ATP5MG: variants seen among roughly 807,000 people sequenced by gnomAD.
The protein encoded by ATP5MG is ATP synthase membrane subunit g, also known as ATP synthase F(0) complex subunit g, mitochondrial.
In ATP5MG, 7 loss-of-function variants were observed where a neutral mutation model predicts 12.7. That is an observed-to-expected ratio of 0.55 (90% confidence interval 0.31 to 1.04). The LOEUF (loss-of-function observed/expected upper bound fraction) is 1.04, where lower values mean the gene tolerates loss of function less well. ATP5MG is among the 50% of genes least tolerant of loss of function. The probability of loss-of-function intolerance (pLI) is 0.05; values close to 1 mark genes in which losing one functional copy is unlikely to be tolerated. For missense variants in ATP5MG, 116 were observed against 126.7 expected (o/e 0.92, Z 0.41); for synonymous variants, 53 against 48.2 (o/e 1.10, Z -0.41).
In ATP5MG at chr11:118,408,982, G is replaced by A. The variant is rs782152594; in HGVS notation, c.214-18G>A. On this transcript the variant is annotated intron_variant, in intron 2 of 2. Coordinates refer to ENST00000300688, the MANE Select transcript of ATP5MG (RefSeq NM_006476.5). Reference sequence around the variant, plus strand: ...ATATATATAAAAGGTACCTTAAAATGTATGCTTCTTTTTTCAGGAAGCTGT... The same window carrying A: ...ATATATATAAAAGGTACCTTAAAATATATGCTTCTTTTTTCAGGAAGCTGT... The A allele has an allele frequency of 2.2e-5, 31 of 1,431,192 alleles. No homozygotes were observed. Among genetic ancestry groups the A allele is most frequent in the Admixed American group, 1.5e-4 (8 of 53,690 alleles). 88.7% of individuals were successfully genotyped at this position (1,431,192 alleles called of 1,614,324 possible). A position where few individuals can be genotyped will look rare whatever the true frequency, so the allele number is the denominator to read the frequency against.
chr11:118,405,031 AG>A (rs1948961170), intron 1 of ATP5MG, among the ~76,000 whole-genome samples: 1 of 152,162 alleles, frequency 6.6e-6, no homozygotes, highest in Non-Finnish European at 1.5e-5. Flanking sequence ...TGATACTACA[AG>A]ATGCTTCAGA....
At chr11:118,402,097 A>G (rs576798199) in intron 1 of ATP5MG, among the ~76,000 whole-genome samples, 4 of 152,208 alleles carry the variant, frequency 2.6e-5, no homozygotes, top group Non-Finnish European at 5.9e-5. Flanking sequence ...ACGTGAAAGT[A>G]AATCAATTCG....
intron 1 of ATP5MG, among the ~76,000 whole-genome samples, chr11:118,404,727 GTTCTA>G (rs1948957852): frequency 6.6e-6 from 1 of 152,140 alleles, no homozygotes; most frequent in African/African-American, 2.4e-5. Flanking sequence ...TTCTCTCCGT[GTTCTA>G]TTCTATAGAA....
Position 118,409,193 on chromosome 11 carries a change from G to T in ATP5MG, c.*95G>T. 1 of 791,576 alleles carries T rather than the reference G, an allele frequency of 1.3e-6. No homozygotes were observed. The highest frequency in any genetic ancestry group is 2.9e-4 in the Middle Eastern group (1 of 3,474). 49.0% of individuals were successfully genotyped at this position (791,576 alleles called of 1,614,324 possible). A position where few individuals can be genotyped will look rare whatever the true frequency, so the allele number is the denominator to read the frequency against. ...CTGCTATCTGAATAAAATAAGATTT[G>T]TCAAAACTCAGTGTTTTCTCCATCA... On this transcript the variant is annotated 3_prime_UTR_variant, in exon 3 of 3. Coordinates refer to ENST00000300688, the MANE Select transcript of ATP5MG (RefSeq NM_006476.5).
intron 1 of ATP5MG, among the ~76,000 whole-genome samples, chr11:118,404,690 G>A (rs1555131804): frequency 6.6e-6 from 1 of 152,176 alleles, no homozygotes; most frequent in African/African-American, 2.4e-5. Context: ...CTTGGTTATA[G>A]GTTCCTCTAC....
At chr11:118,407,175 A>C in intron 2 of ATP5MG, 78 bp downstream of exon 2, 5 of 1,571,684 alleles carry the variant, frequency 3.2e-6, no homozygotes, top group Non-Finnish European at 4.3e-6. Flanking sequence ...TGTTTTGATT[A>C]ATATATATGT....
In ATP5MG at chr11:118,408,842, A is replaced by G. The variant is rs200455350; in HGVS notation, c.214-158A>G. ...CAGTTGAAGAGAAGTAATGTTAGTA[A>G]TTCTCAACTTTGACTAAAACTGCCT... On this transcript the variant is annotated intron_variant, in intron 2 of 2. Transcript: ENST00000300688. Among the ~76,000 whole-genome samples the G allele has an allele frequency of 3.9e-5, 6 of 151,918 alleles. No homozygotes were observed. The East Asian group carries it at 1.2e-3, about 29-fold the overall frequency.
At chr11:118,406,745 G>A in intron 1 of ATP5MG, 192 bp from the exon 2 acceptor site, 1 of 734,794 alleles carries the variant, frequency 1.4e-6, no homozygotes, top group South Asian at 1.9e-5. Flanking sequence ...TGTGGCACAG[G>A]TGTTCTGCAT....
chr11:118,407,352 A>AT, intron 2 of ATP5MG: 4 of 463,296 alleles, frequency 8.6e-6, no homozygotes, highest in Non-Finnish European at 1.5e-5. Flanking sequence ...TTATTGGGAA[A>AT]TTTTTTTTCC....
rs1948997261 is a variant in ATP5MG at position 118,409,180 on chromosome 11, TA to T, written c.*86del. ...ATGTGTGATCAGACTGCTATCTGAA[TA>T]AAATAAGATTTGTCAAAACTCAGTG... On this transcript the variant is annotated 3_prime_UTR_variant, in exon 3 of 3. Coordinates refer to ENST00000300688, the MANE Select transcript of ATP5MG (RefSeq NM_006476.5). The T allele has an allele frequency of 1.1e-6, 1 of 896,910 alleles. No individual in the cohort carries two copies. The highest frequency in any genetic ancestry group is 2.0e-5 in the South Asian group (1 of 50,300). 55.6% of individuals were successfully genotyped at this position (896,910 alleles called of 1,614,324 possible).
At chr11:118,402,597 A>G (rs1948937350) in intron 1 of ATP5MG, among the ~76,000 whole-genome samples, 1 of 152,132 alleles carries the variant, frequency 6.6e-6, no homozygotes, top group African/African-American at 2.4e-5. Flanking sequence ...TACGTTTATG[A>G]AATGTGAATA....
chr11:118,405,555 C>G (rs1948965233), intron 1 of ATP5MG: 1 of 646,654 alleles, frequency 1.5e-6, no homozygotes, highest in Non-Finnish European at 1.9e-6. Flanking sequence ...TATACTGATT[C>G]ATTTTTTTTT....
Position 118,409,237 on chromosome 11 carries a change from A to C in ATP5MG, c.*139A>C. 3 of 463,344 alleles carry C rather than the reference A, an allele frequency of 6.5e-6. No individual in the cohort carries two copies. The highest frequency in any genetic ancestry group is 1.1e-5 in the Non-Finnish European group (3 of 285,296). 28.7% of individuals were successfully genotyped at this position (463,344 alleles called of 1,614,324 possible). A position where few individuals can be genotyped will look rare whatever the true frequency, so the allele number is the denominator to read the frequency against. On this transcript the variant is annotated 3_prime_UTR_variant, in exon 3 of 3. Coordinates refer to ENST00000300688, the MANE Select transcript of ATP5MG (RefSeq NM_006476.5). ...TCCATCAGATACTCCATGAAAGGTC[A>C]CAATTTCTCTTGATATTAAGCTGGG...
Position 118,402,918 on chromosome 11 carries a change from C to T in ATP5MG, c.52+1201C>T, listed in dbSNP as rs567078445. Among the ~76,000 whole-genome samples, 22 of 152,078 alleles carry T rather than the reference C, an allele frequency of 1.4e-4. No homozygotes were observed. The South Asian group carries it at 4.4e-3, about 30-fold the overall frequency. ...TTCACCATGTTGCCCAGGCTAGTCTCTTAACTCCTGGGCTCAAGGGATCCT... is the reference window on the plus strand; with the variant it reads ...TTCACCATGTTGCCCAGGCTAGTCTTTTAACTCCTGGGCTCAAGGGATCCT... On this transcript the variant is annotated intron_variant, in intron 1 of 2. Transcript: ENST00000300688.
intron 1 of ATP5MG, among the ~76,000 whole-genome samples, chr11:118,402,694 TTC>T (rs1469710410): frequency 4.3e-5 from 6 of 140,036 alleles, no homozygotes; most frequent in South Asian, 2.9e-4. Flanking sequence ...TTTTCTTTCT[TTC>T]TTTTTTTTTT....
At chr11:118,408,012 C>T (rs971549826) in intron 2 of ATP5MG, among the ~76,000 whole-genome samples, 1 of 151,814 alleles carries the variant, frequency 6.6e-6, no homozygotes, top group African/African-American at 2.4e-5. Flanking sequence ...AATACAAAAA[C>T]TTAGCCGGGC....
intron 2 of ATP5MG, among the ~76,000 whole-genome samples, chr11:118,408,304 A>G (rs1948990129): frequency 6.6e-6 from 1 of 152,220 alleles, no homozygotes; most frequent in South Asian, 2.1e-4. Flanking sequence ...AGACTTCCAT[A>G]AATTTCTGGT....
At position 118,401,614 on chromosome 11, in the gene ATP5MG, CG is replaced by C; in HGVS notation, c.-49del. The C allele has an allele frequency of 6.2e-7, 1 of 1,610,242 alleles. No individual in the cohort carries two copies. The highest frequency in any genetic ancestry group is 1.1e-5 in the South Asian group (1 of 90,970). On this transcript the variant is annotated 5_prime_UTR_variant, in exon 1 of 3. Transcript: ENST00000300688. ...GGGGTCCTGCAGCGGGTCCTTCCGG[CG>C]GGTGACATTCAGCCGGCGGTTCGGG... is the stretch of plus-strand genomic sequence containing the variant.
intron 1 of ATP5MG, chr11:118,401,925 C>T (rs1386707800): frequency 1.8e-6 from 1 of 569,786 alleles, no homozygotes; most frequent in Non-Finnish European, 3.1e-6. Flanking sequence ...CTCTACACAA[C>T]CTAGAAGTTC....
Sources: allele counts gnomAD v4.1 joint callset (sites outside exome capture counted in the v4.1 genomes callset), GRCh38; gene constraint gnomAD v4.1.1; transcripts MANE v1.5; gene names NCBI Gene and HGNC (gene_info 2026-07-23, HGNC 2026-07-21).